Variants in NCF4 observed in about 807,000 individuals in gnomAD.
The protein encoded by NCF4 is neutrophil cytosolic factor 4, also known as neutrophil cytosol factor 4.
In NCF4, 30 loss-of-function variants were observed where a neutral mutation model predicts 41.7. The ratio of observed to expected loss-of-function variants is 0.72; its 90% confidence interval spans 0.54 to 0.97. The LOEUF (loss-of-function observed/expected upper bound fraction) is 0.97. Ranked by LOEUF, NCF4 falls within the 50% of genes least tolerant of loss-of-function variation. NCF4 has a pLI of 0.00. For missense variants in NCF4, 432 were observed against 460.9 expected (o/e 0.94, Z 0.57); for synonymous variants, 195 against 175.8 (o/e 1.11, Z -0.87).
At chr22:36,875,281 C>T (rs528036718) in intron 7 of NCF4, among the ~76,000 whole-genome samples, 8 of 152,254 alleles carry the variant, frequency 5.3e-5, no homozygotes, top group Non-Finnish European at 1.0e-4. Context: ...TCACCAGCTT[C>T]GGCCTCCCAA....
chr22:36,865,401 C>T lies in NCF4; in HGVS notation c.271+329C>T, dbSNP rs1939903891. On this transcript the variant is annotated intron_variant, in intron 3 of 9. Transcript: ENST00000248899. The surrounding 1 kb of genome is among the most constrained non-coding windows in gnomAD (Gnocchi z 4.3). Reference sequence around the variant, plus strand: ...TCCCTTCCTCAGAGACAGGAATCCCCCAGTCTGGTCCCTAAACACACTGAC... The same window carrying T: ...TCCCTTCCTCAGAGACAGGAATCCCTCAGTCTGGTCCCTAAACACACTGAC... Among the ~76,000 whole-genome samples, 1 of 152,094 alleles carries T rather than the reference C, an allele frequency of 6.6e-6. No homozygotes were observed. The highest frequency in any genetic ancestry group is 6.5e-5 in the Admixed American group (1 of 15,274).
Position 36,864,103 on chromosome 22 carries a change from G to GAGAA in NCF4, c.92_95dup (p.Arg33GlufsTer96). The GAGAA allele has an allele frequency of 1.2e-6, 2 of 1,614,052 alleles. No individual in the cohort carries two copies. The highest frequency in any genetic ancestry group is 1.7e-6 in the Non-Finnish European group (2 of 1,179,952). Reference sequence around the variant, plus strand: ...CTCGGCCAACATTGCTGACATCGAGGAGAAGAGAGGCTTCACCAGCCACTT... The same window carrying GAGAA: ...CTCGGCCAACATTGCTGACATCGAGGAGAAAGAAGAGAGGCTTCACCAGCCACTT... On this transcript the variant is annotated frameshift_variant, in exon 2 of 10. Transcript: ENST00000248899. LOFTEE classifies it high-confidence loss of function.
At chr22:36,868,030 T>C (rs1435510385) in intron 4 of NCF4, among the ~76,000 whole-genome samples, 1 of 152,182 alleles carries the variant, frequency 6.6e-6, no homozygotes, top group Admixed American at 6.5e-5. Context: ...ACTTGCAAAC[T>C]CTGCATCTCT....
intron 7 of NCF4, among the ~76,000 whole-genome samples, chr22:36,873,272 G>C (rs1406723387): frequency 6.6e-6 from 1 of 151,388 alleles, no homozygotes; most frequent in Non-Finnish European, 1.5e-5. Context: ...GGTGAGGATG[G>C]GGGTGAGTTT....
In NCF4 at chr22:36,867,436, A is replaced by C; in HGVS notation, c.316A>C (p.Ile106Leu). The stretch of plus-strand genomic sequence containing the variant: ...GAAACAGGAGATCGCCGAGATGCGG[A>C]TACCTGCCCTCAACGCCTACATGAA... Reference protein sequence around the residue: ...GVKQEIAEMRIPALNAYMKSL... With the variant: ...GVKQEIAEMRLPALNAYMKSL... Residue 106 changes from isoleucine to leucine, a missense_variant, in exon 4 of 10, where the codon ATA becomes CTA. By Grantham distance (5) the Ile-to-Leu change is conservative. Coordinates refer to ENST00000248899, the MANE Select transcript of NCF4 (RefSeq NM_000631.5). 6.2e-7 allele frequency: 1 copy of C among 1,614,148 alleles called. No homozygotes were observed.
At position 36,877,886 on chromosome 22, in the gene NCF4, T is replaced by A. The variant is rs781057169; in HGVS notation, c.*63T>A. 1.3e-6 allele frequency: 2 copies of A among 1,515,728 alleles called. No homozygotes were observed. Among genetic ancestry groups the A allele is most frequent in the East Asian group, 4.8e-5 (2 of 41,428 alleles). The allele number at this position is 1,515,728 out of a possible 1,614,324, so 93.9% of individuals were successfully genotyped here. On this transcript the variant is annotated 3_prime_UTR_variant, in exon 10 of 10. Coordinates refer to ENST00000248899, the MANE Select transcript of NCF4 (RefSeq NM_000631.5). ...AAAAACCTTCAGCTCTCAGAGGAGA[T>A]TGGGACCAGGAAAACCTGGGAGGAT... is the stretch of plus-strand genomic sequence containing the variant.
chr22:36,867,158 G>C (rs1939947702), intron 3 of NCF4, among the ~76,000 whole-genome samples: 1 of 143,278 alleles, frequency 7.0e-6, no homozygotes, highest in Non-Finnish European at 1.5e-5. Context: ...TGGATGAACA[G>C]GCAGTAAATA....
intron 2 of NCF4, 117 bp downstream of exon 2, chr22:36,864,246 C>A: frequency 1.1e-6 from 1 of 927,502 alleles, no homozygotes; most frequent in Non-Finnish European, 1.8e-6. Flanking sequence ...ACTTCTATCT[C>A]AGTGGTTCTC....
intron 4 of NCF4, among the ~76,000 whole-genome samples, chr22:36,868,067 C>A (rs1240020343): frequency 6.6e-6 from 1 of 152,206 alleles, no homozygotes; most frequent in East Asian, 1.9e-4. Flanking sequence ...GAGGAAGGAG[C>A]ATCTTAAAGG....
intron 8 of NCF4, 33 bp downstream of exon 8, chr22:36,875,816 C>G (rs959096230): frequency 1.2e-6 from 2 of 1,614,110 alleles, no homozygotes; most frequent in East Asian, 2.2e-5. Context: ...GCCTGTCCAG[C>G]CTTCCTGCCA....
At chr22:36,867,572 C>T (rs984822458) in intron 4 of NCF4, 110 bp downstream of exon 4, 12 of 1,157,520 alleles carry the variant, frequency 1.0e-5, no homozygotes, top group Non-Finnish European at 1.4e-5. Flanking sequence ...GGCTCTCTGG[C>T]TCTGATGGCC....
In NCF4 at chr22:36,877,799, C is replaced by T; in HGVS notation, c.996C>T (p.Tyr332=). ...WKLHITQKDN[Y]RVYNTMP is the part of the protein sequence containing the mutation. ...TGCACATCACGCAGAAGGACAACTA[C>T]AGGGTCTACAACACGATGCCATGAG... Residue 332 remains tyrosine, a synonymous_variant, in exon 10 of 10, where the codon TAC becomes TAT. Transcript: ENST00000248899. 1 of 1,613,958 alleles carries T rather than the reference C, an allele frequency of 6.2e-7. No individual in the cohort carries two copies. Among genetic ancestry groups the T allele is most frequent in the Non-Finnish European group, 8.5e-7 (1 of 1,179,932 alleles).
At chr22:36,869,628 C>A (rs1223657417) in intron 4 of NCF4, among the ~76,000 whole-genome samples, 3 of 152,158 alleles carry the variant, frequency 2.0e-5, no homozygotes, top group Non-Finnish European at 4.4e-5. Context: ...TGTCCCCAGA[C>A]CTGTGCGCTT....
Position 36,861,056 on chromosome 22 carries a change from T to C in NCF4, c.-116T>C. ...CTCCCCAAAGGCAGCTCCTGGGGACTCCCAGGACCACAGGCTGAGACGAGA... is the reference window on the plus strand; with the variant it reads ...CTCCCCAAAGGCAGCTCCTGGGGACCCCCAGGACCACAGGCTGAGACGAGA... On this transcript the variant is annotated 5_prime_UTR_variant, in exon 1 of 10. Transcript: ENST00000248899. The C allele has an allele frequency of 2.9e-6, 4 of 1,392,902 alleles. No individual in the cohort carries two copies. The highest frequency in any genetic ancestry group is 4.0e-6 in the Non-Finnish European group (4 of 1,003,748). The allele number at this position is 1,392,902 out of a possible 1,614,324, so 86.3% of individuals were successfully genotyped here.
chr22:36,869,945 T>C (rs1940013992), intron 4 of NCF4: 3 of 208,374 alleles, frequency 1.4e-5, no homozygotes, highest in Non-Finnish European at 2.0e-5. Flanking sequence ...CACCTTAAGC[T>C]TTGGGTAGCC....
rs1939762906 is a variant in NCF4, at chr22:36,861,071, C to CTGAGACGAGA, written c.-100_-91dup. ...TCCTGGGGACTCCCAGGACCACAGGCTGAGACGAGACGCAGGGTGGCTGGA... is the reference window on the plus strand; with the variant it reads ...TCCTGGGGACTCCCAGGACCACAGGCTGAGACGAGATGAGACGAGACGCAGGGTGGCTGGA... On this transcript the variant is annotated 5_prime_UTR_variant, in exon 1 of 10. The change creates a new upstream start codon in the 5' untranslated region. Coordinates refer to ENST00000248899, the MANE Select transcript of NCF4 (RefSeq NM_000631.5). 6.7e-7 allele frequency: 1 copy of CTGAGACGAGA among 1,484,488 alleles called. No homozygotes were observed. The highest frequency in any genetic ancestry group is 9.2e-7 in the Non-Finnish European group (1 of 1,086,860). The allele number at this position is 1,484,488 out of a possible 1,614,324, so 92.0% of individuals were successfully genotyped here. A position where few individuals can be genotyped will look rare whatever the true frequency, so the allele number is the denominator to read the frequency against.
chr22:36,867,309 G>A (rs1939950627), intron 3 of NCF4, 83 bp from the exon 4 acceptor site: 2 of 1,456,360 alleles, frequency 1.4e-6, no homozygotes, highest in Non-Finnish European at 1.9e-6. Context: ...GCTCTGGCCA[G>A]GGTTCCTGGC....
At chr22:36,877,278 A>G (rs1940213395) in intron 9 of NCF4, among the ~76,000 whole-genome samples, 1 of 152,158 alleles carries the variant, frequency 6.6e-6, no homozygotes, top group African/African-American at 2.4e-5. Context: ...CTGGGATCAC[A>G]GGTGCATACT....
rs773220961 is a variant in NCF4 at position 36,861,134 on chromosome 22, C to T, written c.-38C>T. Reference sequence around the variant, plus strand: ...TGAACTCAGCCTGGGACTGGCTGGGCGAGACTCTCCACCTGCTCCCTGGGA... The same window carrying T: ...TGAACTCAGCCTGGGACTGGCTGGGTGAGACTCTCCACCTGCTCCCTGGGA... On this transcript the variant is annotated 5_prime_UTR_variant, in exon 1 of 10. Coordinates refer to ENST00000248899, the MANE Select transcript of NCF4 (RefSeq NM_000631.5). The T allele has an allele frequency of 5.2e-6, 8 of 1,550,908 alleles. No individual in the cohort carries two copies. The highest frequency in any genetic ancestry group is 2.4e-5 in the South Asian group (2 of 84,036).
Sources: allele counts gnomAD v4.1 joint callset (sites outside exome capture counted in the v4.1 genomes callset), GRCh38; gene constraint gnomAD v4.1.1; non-coding constraint Gnocchi (gnomAD v3.1); transcripts MANE v1.5; gene names NCBI Gene and HGNC (gene_info 2026-07-23, HGNC 2026-07-21).